Variants in GPRIN3 observed in about 807,000 individuals in gnomAD.
The protein encoded by GPRIN3 is GPRIN family member 3, also known as G protein-regulated inducer of neurite outgrowth 3.
In GPRIN3, 12 loss-of-function variants were observed where a neutral mutation model predicts 13.7. The observed-to-expected ratio is 0.87, with a 90% CI of 0.56 to 1.42. The LOEUF is 1.42. Among genes scored for constraint, GPRIN3 ranks in the 40% most tolerant of loss-of-function variants. GPRIN3 has a pLI of 0.00. For synonymous variants in GPRIN3, 377 were observed against 372.7 expected (o/e 1.01, Z -0.13); for missense variants, 1,009 against 958.7 (o/e 1.05, Z -0.69).
At chr4:89,281,962 C>CT (rs34213357) in intron 1 of GPRIN3, among the ~76,000 whole-genome samples, 5,258 of 136,498 alleles carry the variant, frequency 0.039, 107 homozygotes, top group Non-Finnish European at 0.048. Context: ...ATGCAGTCAT[C>CT]TTTTTTTTTT....
At chr4:89,263,649 C>T (rs1426772175) in intron 1 of GPRIN3, among the ~76,000 whole-genome samples, 1 of 152,132 alleles carries the variant, frequency 6.6e-6, no homozygotes, top group Non-Finnish European at 1.5e-5. Flanking sequence ...GACAAAGTAC[C>T]CCATCTTTAG....
At chr4:89,291,206 C>T (rs532164854) in intron 1 of GPRIN3, among the ~76,000 whole-genome samples, 1 of 152,284 alleles carries the variant, frequency 6.6e-6, no homozygotes, top group East Asian at 1.9e-4. Context: ...ACACAAGTCA[C>T]ATACAGTTAT....
At chr4:89,270,825 C>A (rs1180521046) in intron 1 of GPRIN3, among the ~76,000 whole-genome samples, 4 of 151,480 alleles carry the variant, frequency 2.6e-5, no homozygotes, top group African/African-American at 9.7e-5. Context: ...TTGCTAAGGG[C>A]CAAGTGAATG....
intron 1 of GPRIN3, among the ~76,000 whole-genome samples, chr4:89,301,926 T>C (rs1444094756): frequency 6.6e-6 from 1 of 152,218 alleles, no homozygotes; most frequent in African/African-American, 2.4e-5. Flanking sequence ...AAGGGTTCTC[T>C]TGCTTCTGTA....
Position 89,300,389 on chromosome 4 carries a change from G to C in GPRIN3, c.-124+7226C>G, listed in dbSNP as rs1724863019. 3.3e-5 allele frequency among the ~76,000 whole-genome samples: 5 copies of C among 152,240 alleles called. No individual in the cohort carries two copies. The South Asian group carries it at 1.0e-3, about 32-fold the overall frequency. On this transcript the variant is annotated intron_variant, in intron 1 of 1. Transcript: ENST00000609438. ...GGGACTACAGCGAAGTAATGAAGTA[G>C]CATATATATTGCTGTTCAGCTCCAG...
At chr4:89,254,928 G>T (rs1003300718) in intron 1 of GPRIN3, among the ~76,000 whole-genome samples, 4 of 152,024 alleles carry the variant, frequency 2.6e-5, no homozygotes, top group South Asian at 2.1e-4. Context: ...TATTGTTAAG[G>T]TTTGCATTTC....
chr4:89,257,802 A>G lies in GPRIN3; in HGVS notation c.-123-7569T>C, dbSNP rs553281365. 5.9e-5 allele frequency among the ~76,000 whole-genome samples: 9 copies of G among 152,294 alleles called. No individual in the cohort carries two copies. The South Asian group carries it at 1.9e-3, about 32-fold the overall frequency. On this transcript the variant is annotated intron_variant, in intron 1 of 1. Transcript: ENST00000609438. Reference sequence around the variant, plus strand: ...TCAAAAAGCATAGTGGTATAGGAACATTCCTTTAAACCCTATTACTAACCG... The same window carrying G: ...TCAAAAAGCATAGTGGTATAGGAACGTTCCTTTAAACCCTATTACTAACCG...
At chr4:89,263,457 A>C (rs1723698124) in intron 1 of GPRIN3, among the ~76,000 whole-genome samples, 1 of 152,206 alleles carries the variant, frequency 6.6e-6, no homozygotes, top group Non-Finnish European at 1.5e-5. Context: ...TGCTGCAGGG[A>C]GGAGCCTGGC....
intron 1 of GPRIN3, among the ~76,000 whole-genome samples, chr4:89,306,097 G>A (rs553953198): frequency 1.3e-5 from 2 of 151,332 alleles, no homozygotes; most frequent in South Asian, 4.2e-4. Context: ...CTATTCCCTC[G>A]ATTAAAGACA....
intron 1 of GPRIN3, among the ~76,000 whole-genome samples, chr4:89,257,687 A>G (rs1484136648): frequency 6.6e-6 from 1 of 152,192 alleles, no homozygotes; most frequent in Non-Finnish European, 1.5e-5. Flanking sequence ...CAGGGAAGAG[A>G]GACCTCTTTT....
At chr4:89,301,840 AT>A (rs1232024873) in intron 1 of GPRIN3, among the ~76,000 whole-genome samples, 1 of 152,160 alleles carries the variant, frequency 6.6e-6, no homozygotes, top group Non-Finnish European at 1.5e-5. Flanking sequence ...CCATTACTGA[AT>A]TAGCAACAAT....
At chr4:89,301,920 G>T (rs1478059579) in intron 1 of GPRIN3, among the ~76,000 whole-genome samples, 1 of 152,094 alleles carries the variant, frequency 6.6e-6, no homozygotes. Context: ...TTTTTTAAGG[G>T]TTCTCTTGCT....
rs1306648919 is a variant in GPRIN3, at chr4:89,246,291, G to A, written c.*1489C>T. On this transcript the variant is annotated 3_prime_UTR_variant, in exon 2 of 2. Transcript: ENST00000609438. ...CAACCGGTGCCCCTCCAGCATCTAA[G>A]TCTGGTTTTCTAAACGCAAAATGGA... 1 of 152,144 alleles carries A rather than the reference G, an allele frequency of 6.6e-6. No homozygotes were observed. The highest frequency in any genetic ancestry group is 1.5e-5 in the Non-Finnish European group (1 of 68,050). 9.4% of individuals were successfully genotyped at this position (152,144 alleles called of 1,614,324 possible).
intron 1 of GPRIN3, among the ~76,000 whole-genome samples, chr4:89,303,854 T>C (rs2110031290): frequency 6.7e-6 from 1 of 150,264 alleles, no homozygotes; most frequent in South Asian, 2.1e-4. Context: ...TCACGTTGTA[T>C]ACTTTAAATA....
Position 89,250,211 on chromosome 4 carries a change from G to T in GPRIN3, c.-101C>A, listed in dbSNP as rs1723289844. The stretch of plus-strand genomic sequence containing the variant: ...AGCTCAGAGTGATGACACAGTCAGG[G>T]ATGATTCCTCTGAAGAACCAGCCTG... On this transcript the variant is annotated 5_prime_UTR_variant, in exon 2 of 2. Coordinates refer to ENST00000609438, the MANE Select transcript of GPRIN3 (RefSeq NM_198281.3). The T allele has an allele frequency of 2.0e-6, 3 of 1,510,054 alleles. No homozygotes were observed. The East Asian group carries it at 6.8e-5, about 34-fold the overall frequency. 93.5% of individuals were successfully genotyped at this position (1,510,054 alleles called of 1,614,324 possible). A position where few individuals can be genotyped will look rare whatever the true frequency, so the allele number is the denominator to read the frequency against.
Position 89,248,357 on chromosome 4 carries a change from A to G in GPRIN3, c.1754T>C (p.Ile585Thr), listed in dbSNP as rs1370649843. 6.2e-7 allele frequency: 1 copy of G among 1,613,968 alleles called. No individual in the cohort carries two copies. Among genetic ancestry groups the G allele is most frequent in the East Asian group, 2.2e-5 (1 of 44,854 alleles). The change falls in exon 2 of 2, where the codon ATT (isoleucine) becomes ACT (threonine). Residue 585 changes from isoleucine (I) to threonine (T), a missense_variant. Transcript: ENST00000609438. ...ESAANPTPSP[I>T]RKNQESTLEE... ...TAAGGTGCTCTCCTGGTTCTTCCTAATTGGGGAGGGTGTAGGATTAGCAGC... is the reference window on the plus strand; with the variant it reads ...TAAGGTGCTCTCCTGGTTCTTCCTAGTTGGGGAGGGTGTAGGATTAGCAGC...
intron 1 of GPRIN3, among the ~76,000 whole-genome samples, chr4:89,280,432 T>C (rs1389397994): frequency 1.3e-5 from 2 of 152,222 alleles, no homozygotes; most frequent in East Asian, 1.9e-4. Flanking sequence ...ACAAGTAAGA[T>C]GAGGCTTCTG....
chr4:89,265,990 C>T (rs1371727612), intron 1 of GPRIN3, among the ~76,000 whole-genome samples: 2 of 152,152 alleles, frequency 1.3e-5, no homozygotes, highest in East Asian at 3.8e-4. Context: ...GGTAAATTAA[C>T]ACAAAGCGCT....
intron 1 of GPRIN3, among the ~76,000 whole-genome samples, chr4:89,287,336 A>G (rs1724451090): frequency 6.6e-6 from 1 of 152,244 alleles, no homozygotes; most frequent in Non-Finnish European, 1.5e-5. Context: ...TAAAAAATGC[A>G]TATAATTTTA....
Sources: allele counts gnomAD v4.1 joint callset (sites outside exome capture counted in the v4.1 genomes callset), GRCh38; gene constraint gnomAD v4.1.1; transcripts MANE v1.5; gene names NCBI Gene and HGNC (gene_info 2026-07-23, HGNC 2026-07-21).